Variants in STK38 observed in about 807,000 individuals in gnomAD.
STK38 encodes serine/threonine kinase 38, also known as serine/threonine-protein kinase 38.
STK38 carries 26 observed loss-of-function variants against 59.0 expected under a neutral mutation model. That is an observed-to-expected ratio of 0.44 (90% confidence interval 0.32 to 0.61). The LOEUF is 0.61. Among genes scored for constraint, STK38 ranks in the 20% least tolerant of loss-of-function variants. The probability of loss-of-function intolerance (pLI) is 0.04; values close to 1 mark genes in which losing one functional copy is unlikely to be tolerated. For missense variants in STK38, 433 were observed against 566.0 expected, an observed-to-expected ratio of 0.76 and a Z score of 2.38; for synonymous variants, 175 against 176.6, an observed-to-expected ratio of 0.99 and a Z score of 0.07.
rs150957409 is a variant in STK38 at position 36,536,570 on chromosome 6, G to A, written c.131+3502C>T. Among the ~76,000 whole-genome samples, 878 of 151,864 alleles carry A rather than the reference G, an allele frequency of 5.8e-3. 8 individuals carry two copies. Among genetic ancestry groups the A allele is most frequent in the African/African-American group, 0.02 (833 of 41,376 alleles). On this transcript the variant is annotated intron_variant, in intron 2 of 13. Transcript: ENST00000229812. The stretch of plus-strand genomic sequence containing the variant: ...TTTTTTGAGACTGAGTTTCGCTCTC[G>A]TTGCCCAGGCTGGAGTTCAGTGGTG...
At chr6:36,520,016 T>A (rs1484509320) in intron 5 of STK38, among the ~76,000 whole-genome samples, 1 of 152,180 alleles carries the variant, frequency 6.6e-6, no homozygotes, top group Non-Finnish European at 1.5e-5. Flanking sequence ...GTACCTCTAC[T>A]TTGTCAGCCC....
At chr6:36,513,251 C>CTCGTG (rs993300694) in intron 7 of STK38, among the ~76,000 whole-genome samples, 14 of 151,624 alleles carry the variant, frequency 9.2e-5, no homozygotes, top group African/African-American at 3.4e-4. Context: ...AGCTCCTGAC[C>CTCGTG]TCGTGATCCA....
intron 1 of STK38, among the ~76,000 whole-genome samples, chr6:36,545,524 C>T (rs1778036854): frequency 6.6e-6 from 1 of 152,160 alleles, no homozygotes; most frequent in Admixed American, 6.5e-5. Flanking sequence ...CTGCACTCTC[C>T]TTCCCTTTGA....
chr6:36,505,690 C>T (rs1776947536), intron 9 of STK38, among the ~76,000 whole-genome samples: 1 of 152,214 alleles, frequency 6.6e-6, no homozygotes, highest in African/African-American at 2.4e-5. Flanking sequence ...CCAGACAATA[C>T]ATTTGCATGA....
At chr6:36,538,399 G>A (rs1370685053) in intron 2 of STK38, among the ~76,000 whole-genome samples, 1 of 152,122 alleles carries the variant, frequency 6.6e-6, no homozygotes, top group South Asian at 2.1e-4. Flanking sequence ...TCTGGGAGAC[G>A]TAATGTTCTG....
At chr6:36,502,153 CTTTTT>C (rs1776856328) in intron 9 of STK38, among the ~76,000 whole-genome samples, 1 of 148,084 alleles carries the variant, frequency 6.8e-6, no homozygotes, top group Non-Finnish European at 1.5e-5. Context: ...CTTTTTTTTT[CTTTTT>C]AAGAGATGGG....
chr6:36,509,733 C>CT (rs781675504), intron 7 of STK38, among the ~76,000 whole-genome samples: 66 of 152,274 alleles, frequency 4.3e-4, no homozygotes, highest in Non-Finnish European at 7.5e-4. Flanking sequence ...TGCTACAACT[C>CT]TTTCTGTAGG....
intron 9 of STK38, among the ~76,000 whole-genome samples, chr6:36,503,281 A>G (rs1776882666): frequency 6.6e-6 from 1 of 152,110 alleles, no homozygotes; most frequent in Non-Finnish European, 1.5e-5. Context: ...TATGAGCTGT[A>G]GTTCTTGTTT....
intron 7 of STK38, among the ~76,000 whole-genome samples, chr6:36,510,146 T>C (rs1428544829): frequency 6.6e-6 from 1 of 152,166 alleles, no homozygotes; most frequent in Non-Finnish European, 1.5e-5. Flanking sequence ...CTCTGCCTCT[T>C]ATAGCCATCA....
chr6:36,499,245 T>C (rs1316474373), intron 10 of STK38, among the ~76,000 whole-genome samples: 1 of 152,178 alleles, frequency 6.6e-6, no homozygotes, highest in Non-Finnish European at 1.5e-5. Flanking sequence ...CCATGCCTCT[T>C]TTTGAGAACT....
intron 13 of STK38, among the ~76,000 whole-genome samples, 185 bp from the exon 14 acceptor site, chr6:36,496,099 C>CA (rs1776698689): frequency 6.9e-6 from 1 of 145,894 alleles, no homozygotes; most frequent in Non-Finnish European, 1.5e-5. Context: ...GGCTGGAGTG[C>CA]AGTGGCGTCA....
In STK38 at chr6:36,509,260, G is replaced by A. The variant is rs150033239; in HGVS notation, c.670-1658C>T. 2.7e-3 allele frequency among the ~76,000 whole-genome samples: 410 copies of A among 152,254 alleles called. 3 individuals carry two copies. Among genetic ancestry groups the A allele is most frequent in the African/African-American group, 9.4e-3 (389 of 41,542 alleles). On this transcript the variant is annotated intron_variant, in intron 7 of 13. Coordinates refer to ENST00000229812, the MANE Select transcript of STK38 (RefSeq NM_007271.4). ...GCTCTCAGGAGACCCAAAGTGGGTTGCTCCTTTCCGCAAGCAGGTCATCCT... is the reference window on the plus strand; with the variant it reads ...GCTCTCAGGAGACCCAAAGTGGGTTACTCCTTTCCGCAAGCAGGTCATCCT...
At chr6:36,540,000 T>C in intron 2 of STK38, 72 bp downstream of exon 2, 1 of 1,589,756 alleles carries the variant, frequency 6.3e-7, no homozygotes, top group Non-Finnish European at 8.6e-7. Context: ...CCTTTCAGCA[T>C]TATAAGTGTT....
chr6:36,539,700 A>T (rs1777884692), intron 2 of STK38, among the ~76,000 whole-genome samples: 1 of 151,112 alleles, frequency 6.6e-6, no homozygotes. Flanking sequence ...CTGCTATTCC[A>T]TTATACCACT....
In STK38 at chr6:36,524,454, G is replaced by A. The variant is rs1179282139; in HGVS notation, c.193C>T (p.Arg65Trp). ...EGLKDEEKRL[R>W]RSAHARKETE... is the part of the protein sequence containing the mutation. Reference sequence around the variant, plus strand: ...TCCTTCCGAGCATGTGCTGATCTCCGGAGTCGTTTCTAATATTTAAATAAA... The same window carrying A: ...TCCTTCCGAGCATGTGCTGATCTCCAGAGTCGTTTCTAATATTTAAATAAA... Residue 65 changes from arginine to tryptophan, a missense_variant, in exon 4 of 14, where the codon CGG becomes TGG. Arg to Trp is a moderately radical substitution (Grantham distance 101). This residue lies in a region of STK38 where 293 missense variants were observed against 388.2 expected (regional missense o/e 0.75). Transcript: ENST00000229812. The A allele has an allele frequency of 1.9e-6, 3 of 1,597,208 alleles. No homozygotes were observed. Among genetic ancestry groups the A allele is most frequent in the East Asian group, 2.2e-5 (1 of 44,576 alleles).
chr6:36,535,674 G>A (rs1342741516), intron 2 of STK38, among the ~76,000 whole-genome samples: 6 of 151,692 alleles, frequency 4.0e-5, no homozygotes, highest in Non-Finnish European at 8.8e-5. Flanking sequence ...TCAGGAGATC[G>A]AGACCATCCT....
At chr6:36,515,266 G>C (rs1239234537) in intron 7 of STK38, 72 bp downstream of exon 7, 24 of 1,542,434 alleles carry the variant, frequency 1.6e-5, no homozygotes, top group Non-Finnish European at 2.1e-5. Flanking sequence ...TGACCACAGG[G>C]GTGCAGGTGT....
At chr6:36,514,211 G>T (rs1179768799) in intron 7 of STK38, among the ~76,000 whole-genome samples, 1 of 149,936 alleles carries the variant, frequency 6.7e-6, no homozygotes, top group Admixed American at 6.6e-5. Context: ...AACTACTCAG[G>T]AGGCTGAGGC....
chr6:36,497,068 G>A (rs936375214), intron 12 of STK38, among the ~76,000 whole-genome samples: 2 of 152,192 alleles, frequency 1.3e-5, no homozygotes, highest in African/African-American at 4.8e-5. Context: ...TGAAGTTAGT[G>A]CAACTCCCCC....
Sources: gnomAD v4.1 joint callset for allele counts (sites outside exome capture counted in the v4.1 genomes callset) on GRCh38, gnomAD v4.1.1 for gene constraint, gnomAD v4.1.1 regional missense constraint, MANE v1.5 for transcripts, NCBI Gene and HGNC (gene_info 2026-07-23, HGNC 2026-07-21) for gene names.